Variants in KLHL14 observed in about 807,000 individuals in gnomAD.
KLHL14 encodes kelch-like protein 14.
In KLHL14, 22 loss-of-function variants were observed where a neutral mutation model predicts 64.3. The observed-to-expected ratio is 0.34, with a 90% CI of 0.24 to 0.49. The LOEUF (loss-of-function observed/expected upper bound fraction) is 0.49, where lower values mean the gene tolerates loss of function less well. Among genes scored for constraint, KLHL14 ranks in the 20% least tolerant of loss-of-function variants. The pLI, the probability that KLHL14 is intolerant of heterozygous loss-of-function variation, is 0.99. For missense variants in KLHL14, 661 were observed against 789.0 expected (o/e 0.84, Z 1.94); for synonymous variants, 322 against 333.4 (o/e 0.97, Z 0.37).
At chr18:32,762,997 C>T (rs1390210667) in intron 2 of KLHL14, among the ~76,000 whole-genome samples, 1 of 151,854 alleles carries the variant, frequency 6.6e-6, no homozygotes, top group East Asian at 1.9e-4. Context: ...TGAAAGTATC[C>T]CCAACATGAA....
intron 3 of KLHL14, among the ~76,000 whole-genome samples, chr18:32,728,472 T>C (rs955420893): frequency 2.6e-5 from 4 of 152,228 alleles, no homozygotes; most frequent in African/African-American, 9.6e-5. Context: ...GTTATATCTT[T>C]TTCTTATGTG....
intron 2 of KLHL14, among the ~76,000 whole-genome samples, chr18:32,768,723 T>C (rs186834869): frequency 3.8e-4 from 58 of 152,308 alleles, no homozygotes; most frequent in African/African-American, 1.3e-3. Flanking sequence ...ACAGCCTTTT[T>C]ATCTCAGCAG....
chr18:32,760,579 G>A (rs1481696365), intron 2 of KLHL14, among the ~76,000 whole-genome samples: 1 of 152,166 alleles, frequency 6.6e-6, no homozygotes, highest in African/African-American at 2.4e-5. Context: ...AGCCTCCAGT[G>A]AGCCAGTCTC....
chr18:32,750,994 T>C (rs575241902), intron 2 of KLHL14, among the ~76,000 whole-genome samples: 50 of 152,362 alleles, frequency 3.3e-4, no homozygotes, highest in African/African-American at 1.1e-3. Context: ...CTCCTATTAG[T>C]AAATGTCTTC....
intron 3 of KLHL14, among the ~76,000 whole-genome samples, chr18:32,721,392 G>A (rs1417168448): frequency 6.6e-6 from 1 of 152,090 alleles, no homozygotes; most frequent in African/African-American, 2.4e-5. Flanking sequence ...AGAGCTAAGA[G>A]ATAAGACATA....
chr18:32,713,607 A>G (rs2050031027), intron 3 of KLHL14, among the ~76,000 whole-genome samples: 1 of 152,064 alleles, frequency 6.6e-6, no homozygotes, highest in Non-Finnish European at 1.5e-5. Flanking sequence ...GAAAATAACA[A>G]CCTTTAGACA....
chr18:32,725,249 C>T (rs2050102364), intron 3 of KLHL14, among the ~76,000 whole-genome samples: 1 of 152,126 alleles, frequency 6.6e-6, no homozygotes, highest in African/African-American at 2.4e-5. Flanking sequence ...AGGCTGGTCT[C>T]AAACTCCTGG....
chr18:32,735,151 C>A (rs1014338198), intron 3 of KLHL14, among the ~76,000 whole-genome samples: 1 of 152,078 alleles, frequency 6.6e-6, no homozygotes. Flanking sequence ...ACATTGGATC[C>A]GTTTAGATTT....
intron 5 of KLHL14, among the ~76,000 whole-genome samples, chr18:32,681,036 T>C (rs2049836245): frequency 6.6e-6 from 1 of 152,154 alleles, no homozygotes; most frequent in Non-Finnish European, 1.5e-5. Context: ...GTTCCCAATT[T>C]ATAAGAGAAC....
At chr18:32,756,101 T>C (rs1016574464) in intron 2 of KLHL14, among the ~76,000 whole-genome samples, 6 of 152,164 alleles carry the variant, frequency 3.9e-5, no homozygotes, top group Admixed American at 2.6e-4. Flanking sequence ...TGACTACATT[T>C]GGAGATAGAG....
At chr18:32,765,374 A>C (rs978492692) in intron 2 of KLHL14, among the ~76,000 whole-genome samples, 1 of 152,228 alleles carries the variant, frequency 6.6e-6, no homozygotes, top group African/African-American at 2.4e-5. Context: ...CACTTTTAAC[A>C]GTAAGTCCTC....
intron 3 of KLHL14, chr18:32,733,949 C>G (rs1260906546): frequency 1.8e-6 from 1 of 558,304 alleles, no homozygotes; most frequent in African/African-American, 1.9e-5. Context: ...CAGATAATTT[C>G]TCTTTAGTTT....
In KLHL14 at chr18:32,737,680, T is replaced by C. The variant is rs2050172958; in HGVS notation, c.1069+4248A>G. ...AACCAGACACAGGACCCCTCCTATC[T>C]GGATGGGATCAAGTTAAATGTCATC... On this transcript the variant is annotated intron_variant, in intron 3 of 8. Transcript: ENST00000359358. 4 of 152,160 alleles carry C rather than the reference T, an allele frequency of 2.6e-5. No individual in the cohort carries two copies. The South Asian group carries it at 8.3e-4, about 32-fold the overall frequency. The allele number at this position is 152,160 out of a possible 1,614,324, so 9.4% of individuals were successfully genotyped here. A position where few individuals can be genotyped will look rare whatever the true frequency, so the allele number is the denominator to read the frequency against.
chr18:32,681,175 T>G (rs1259659684), intron 5 of KLHL14, among the ~76,000 whole-genome samples: 1 of 152,204 alleles, frequency 6.6e-6, no homozygotes, highest in Non-Finnish European at 1.5e-5. Context: ...TACAGGAATT[T>G]CATCTAAGTA....
At position 32,680,527 on chromosome 18, in the gene KLHL14, G is replaced by A. The variant is rs1390805544; in HGVS notation, c.1311C>T (p.Tyr437=). ...YVIGGRNETG[Y]LSSVECYNLE... is the part of the protein sequence containing the mutation. ...GGTTATAGCACTCCACGCTGGACAA[G>A]TAGCCAGTTTCATTCCTTCCACCAA... The change falls in exon 6 of 9, where the codon TAC becomes TAT. Residue 437 remains tyrosine (Y), a synonymous_variant. Coordinates refer to ENST00000359358, the MANE Select transcript of KLHL14 (RefSeq NM_020805.3). This position sits in a 1 kb window ranked among gnomAD's most constrained non-coding sequence, Gnocchi z 4.8. 2 of 1,613,806 alleles carry A rather than the reference G, an allele frequency of 1.2e-6. No homozygotes were observed. The highest frequency in any genetic ancestry group is 2.2e-5 in the East Asian group (1 of 44,852).
chr18:32,743,337 A>G (rs891459537), intron 2 of KLHL14: 1 of 152,244 alleles, frequency 6.6e-6, no homozygotes, highest in African/African-American at 2.4e-5. Context: ...CTTGTGGAGA[A>G]GCATTGTTTG....
chr18:32,761,190 G>A (rs2050311947), intron 2 of KLHL14, among the ~76,000 whole-genome samples: 2 of 152,114 alleles, frequency 1.3e-5, no homozygotes, highest in Non-Finnish European at 2.9e-5. Flanking sequence ...CGGCTAACGT[G>A]GAGCCAGGCC....
At chr18:32,720,148 G>C (rs574381422) in intron 3 of KLHL14, among the ~76,000 whole-genome samples, 3 of 152,346 alleles carry the variant, frequency 2.0e-5, no homozygotes, top group African/African-American at 7.2e-5. Flanking sequence ...GCAAAAACTG[G>C]AGGAAGATGT....
intron 3 of KLHL14, chr18:32,738,640 A>C (rs1175921774): frequency 6.6e-6 from 1 of 152,176 alleles, no homozygotes; most frequent in East Asian, 1.9e-4. Context: ...ATTTTTCCAA[A>C]AAGGAAGATA....
Sources: allele counts gnomAD v4.1 joint callset (sites outside exome capture counted in the v4.1 genomes callset), GRCh38; gene constraint gnomAD v4.1.1; non-coding constraint Gnocchi (gnomAD v3.1); transcripts MANE v1.5; gene names NCBI Gene and HGNC (gene_info 2026-07-23, HGNC 2026-07-21).